Variants in DCT observed in about 807,000 individuals in gnomAD.
The protein encoded by DCT is dopachrome tautomerase, also known as L-dopachrome tautomerase.
A neutral mutation model predicts 53.0 loss-of-function variants in DCT; 47 were observed. That is an observed-to-expected ratio of 0.89 (90% CI 0.70 to 1.13). DCT has a LOEUF of 1.13. Among genes scored for constraint, DCT ranks in the 50% most tolerant of loss-of-function variants. The pLI, the probability that DCT is intolerant of heterozygous loss-of-function variation, is 0.00. For synonymous variants in DCT, 244 were observed against 237.0 expected, an observed-to-expected ratio of 1.03 and a Z score of -0.27; for missense variants, 669 against 637.4, an observed-to-expected ratio of 1.05 and a Z score of -0.53.
the DCT span, among the ~76,000 whole-genome samples, chr13:94,535,312 T>A: frequency 6.6e-6 from 1 of 152,220 alleles, no homozygotes; most frequent in Non-Finnish European, 1.5e-5. Flanking sequence ...ACTAGTCACC[T>A]GCATGAGTTG....
chr13:94,536,038 T>C, the DCT span, among the ~76,000 whole-genome samples: 1 of 152,196 alleles, frequency 6.6e-6, no homozygotes, highest in African/African-American at 2.4e-5. Flanking sequence ...AGTTTGCTAG[T>C]GCTTCCAAAT....
intron 7 of DCT, among the ~76,000 whole-genome samples, chr13:94,441,181 G>A (rs1794749235): frequency 6.6e-6 from 1 of 152,228 alleles, no homozygotes; most frequent in Admixed American, 6.5e-5. Context: ...CTCCAAGAGG[G>A]TTTTGATCTG....
At chr13:94,465,990 ATATATATATATATATATATATATAT>A (rs1884183686) in intron 3 of DCT, among the ~76,000 whole-genome samples, 191 bp from the exon 4 acceptor site, 1 of 26,886 alleles carries the variant, frequency 3.7e-5, no homozygotes, top group South Asian at 1.3e-3. Flanking sequence ...ATATATATAT[ATATATATATATATATATATATATAT>A]ATATATATAC....
At chr13:94,521,427 T>C in the DCT span, among the ~76,000 whole-genome samples, 6 of 152,240 alleles carry the variant, frequency 3.9e-5, no homozygotes, top group African/African-American at 1.4e-4. Context: ...TCCCAGCACT[T>C]TGGGAGGCCG....
At chr13:94,469,319 T>A (rs1186510569) in intron 1 of DCT, among the ~76,000 whole-genome samples, 1 of 152,202 alleles carries the variant, frequency 6.6e-6, no homozygotes, top group African/African-American at 2.4e-5. Flanking sequence ...CCCGAAGTCC[T>A]AGCCCCAGTA....
Position 94,468,907 on chromosome 13 carries a change from A to G in DCT, c.434T>C (p.Leu145Ser). 1 of 1,614,092 alleles carries G rather than the reference A, an allele frequency of 6.2e-7. No individual in the cohort carries two copies. Among genetic ancestry groups the G allele is most frequent in the African/African-American group, 1.3e-5 (1 of 75,008 alleles). Reference protein sequence around the residue: ...PQEREQFLGALDLAKKRVHPD... With the variant: ...PQEREQFLGASDLAKKRVHPD... ...GTGTACTCTCTTCTTCGCGAGATCT[A>G]AGGCGCCCAAGAACTGCTCTCTTTC... is the stretch of plus-strand genomic sequence containing the variant. The change falls in exon 2 of 8, where the codon TTA becomes TCA. Residue 145 changes from leucine (L) to serine (S), a missense_variant. Physicochemically the swap from Leu to Ser is moderately radical, Grantham distance 145. Coordinates refer to ENST00000377028, the MANE Select transcript of DCT (RefSeq NM_001922.5).
chr13:94,514,939 T>G, the DCT span, among the ~76,000 whole-genome samples: 1 of 152,198 alleles, frequency 6.6e-6, no homozygotes, highest in Admixed American at 6.5e-5. Context: ...TGCTGAAAAC[T>G]CTAAACCCCA....
At chr13:94,546,841 CCTT>C in the DCT span, among the ~76,000 whole-genome samples, 1 of 152,078 alleles carries the variant, frequency 6.6e-6, no homozygotes, top group Non-Finnish European at 1.5e-5. The surrounding 1 kb of genome is among the most constrained non-coding windows in gnomAD (Gnocchi z 4.2). Flanking sequence ...TGGTACATGA[CCTT>C]CTAGGAACAT....
At chr13:94,461,960 A>G (rs1027722208) in intron 5 of DCT, 50 bp downstream of exon 5, 1 of 1,509,860 alleles carries the variant, frequency 6.6e-7, no homozygotes, top group Non-Finnish European at 9.0e-7. Context: ...AATCACAGGC[A>G]TGAAAACCTG....
At chr13:94,523,438 A>G in the DCT span, among the ~76,000 whole-genome samples, 61,775 of 151,948 alleles carry the variant, frequency 0.41, 13,343 homozygotes, top group East Asian at 0.62. Flanking sequence ...CCTGAGTCTG[A>G]GGGTTAGTAG....
At chr13:94,508,766 GA>G in the DCT span, among the ~76,000 whole-genome samples, 1 of 152,176 alleles carries the variant, frequency 6.6e-6, no homozygotes, top group East Asian at 1.9e-4. Flanking sequence ...TCATTATAAA[GA>G]AACACTTTCT....
chr13:94,487,084 A>T, the DCT span, among the ~76,000 whole-genome samples: 838 of 152,356 alleles, frequency 5.5e-3, 5 homozygotes, highest in Middle Eastern at 0.024. Flanking sequence ...GACTGTAATT[A>T]AACATTGCAT....
At chr13:94,463,672 C>G (rs545864878) in intron 4 of DCT, among the ~76,000 whole-genome samples, 3 of 152,162 alleles carry the variant, frequency 2.0e-5, no homozygotes, top group Non-Finnish European at 4.4e-5. Flanking sequence ...CTCAAGTGAT[C>G]CCCCTGCCTT....
At chr13:94,516,722 C>T in the DCT span, among the ~76,000 whole-genome samples, 1 of 151,920 alleles carries the variant, frequency 6.6e-6, no homozygotes, top group Non-Finnish European at 1.5e-5. Flanking sequence ...TTGAGTCCAC[C>T]CCCCCTCACC....
chr13:94,478,563 G>A (rs974822559), intron 1 of DCT, among the ~76,000 whole-genome samples: 8 of 152,210 alleles, frequency 5.3e-5, no homozygotes, highest in Admixed American at 3.9e-4. Flanking sequence ...TCTTCCGAAT[G>A]CCAAGCTTCA....
At chr13:94,501,004 T>A in the DCT span, among the ~76,000 whole-genome samples, 1 of 152,154 alleles carries the variant, frequency 6.6e-6, no homozygotes, top group East Asian at 1.9e-4. Flanking sequence ...TTTTATAGAT[T>A]TTAAAAGAAT....
chr13:94,467,603 A>G (rs1177534230), intron 2 of DCT: 1 of 152,208 alleles, frequency 6.6e-6, no homozygotes, highest in African/African-American at 2.4e-5. Context: ...GCTTACCTGT[A>G]AGGCAAGTTT....
chr13:94,455,381 TAGAG>T (rs56301019), intron 6 of DCT, among the ~76,000 whole-genome samples: 39 of 141,750 alleles, frequency 2.8e-4, no homozygotes, highest in Middle Eastern at 3.6e-3. Context: ...GACTGTCTCT[TAGAG>T]AGAGAGAGAG....
chr13:94,458,333 T>C (rs561591579), intron 6 of DCT, among the ~76,000 whole-genome samples: 1 of 152,282 alleles, frequency 6.6e-6, no homozygotes, highest in African/African-American at 2.4e-5. Flanking sequence ...GCTGAGACTT[T>C]CCACAGTCCT....
Sources: allele counts gnomAD v4.1 joint callset (sites outside exome capture counted in the v4.1 genomes callset), GRCh38; gene constraint gnomAD v4.1.1; non-coding constraint Gnocchi (gnomAD v3.1); transcripts MANE v1.5; gene names NCBI Gene and HGNC (gene_info 2026-07-23, HGNC 2026-07-21).